The following AARS1 variants were observed in gnomAD, a reference collection of about 807,000 sequenced individuals.
AARS1 encodes alanyl-tRNA synthetase 1, also known as alanine--tRNA ligase, cytoplasmic.
A neutral mutation model predicts 108.9 loss-of-function variants in AARS1; 72 were observed. The observed-to-expected ratio is 0.66, with a 90% confidence interval of 0.55 to 0.80. The LOEUF (loss-of-function observed/expected upper bound fraction) is 0.80, where lower values mean the gene tolerates loss of function less well. AARS1 is among the 30% of genes least tolerant of loss of function. AARS1 has a pLI of 0.00. For synonymous variants in AARS1, 489 were observed against 465.7 expected, an observed-to-expected ratio of 1.05 and a Z score of -0.64; for missense variants, 1,193 against 1,233.2, an observed-to-expected ratio of 0.97 and a Z score of 0.49.
chr16:70,252,446 G>A lies in AARS1; in HGVS notation c.*275C>T, dbSNP rs186934638. On this transcript the variant is annotated 3_prime_UTR_variant, in exon 21 of 21. Transcript: ENST00000261772. ...AAAAACGATTCCTACTTGCTGACGC[G>A]GAAAGCTCAGGTCTGGAGAGCCGTT... 9 of 523,100 alleles carry A rather than the reference G, an allele frequency of 1.7e-5. No individual in the cohort carries two copies. The highest frequency in any genetic ancestry group is 1.5e-4 in the African/African-American group (8 of 52,546). 32.4% of individuals were successfully genotyped at this position (523,100 alleles called of 1,614,324 possible).
chr16:70,280,017 G>A (rs2152168838), intron 2 of AARS1, among the ~76,000 whole-genome samples: 1 of 152,020 alleles, frequency 6.6e-6, no homozygotes, highest in Non-Finnish European at 1.5e-5. Context: ...CCAAGAGGCT[G>A]GAACTACAGG....
Position 70,259,633 on chromosome 16 carries a change from C to T in AARS1, c.1786-447G>A, listed in dbSNP as rs1461849776. On this transcript the variant is annotated intron_variant, in intron 13 of 20. Coordinates refer to ENST00000261772, the MANE Select transcript of AARS1 (RefSeq NM_001605.3). ...AAGTAGCTGGGACTACAGGCACACA[C>T]CACTACCCCCAACTAATATTTTTTA... Among the ~76,000 whole-genome samples the T allele has an allele frequency of 4.6e-5, 7 of 152,042 alleles. No homozygotes were observed. The East Asian group carries it at 1.2e-3, about 25-fold the overall frequency.
chr16:70,283,793 G>A (rs954770658), intron 1 of AARS1, among the ~76,000 whole-genome samples: 4 of 152,118 alleles, frequency 2.6e-5, no homozygotes, highest in African/African-American at 7.2e-5. Flanking sequence ...AACAGCAAAC[G>A]GCTGCCTTCC....
At chr16:70,263,349 A>G (rs1439428270) in intron 11 of AARS1, among the ~76,000 whole-genome samples, 2 of 152,126 alleles carry the variant, frequency 1.3e-5, no homozygotes, top group Non-Finnish European at 2.9e-5. Flanking sequence ...AGACGGGTGG[A>G]TAACCTGAGC....
intron 2 of AARS1, among the ~76,000 whole-genome samples, chr16:70,280,472 T>A (rs748063168): frequency 3.3e-5 from 5 of 152,190 alleles, no homozygotes; most frequent in Non-Finnish European, 7.4e-5. Flanking sequence ...TGCCCCATGT[T>A]TCATAATTTT....
chr16:70,261,071 C>G lies in AARS1; in HGVS notation c.1758G>C (p.Gly586=), dbSNP rs769479883. 2 of 1,613,552 alleles carry G rather than the reference C, an allele frequency of 1.2e-6. No homozygotes were observed. The highest frequency in any genetic ancestry group is 1.7e-6 in the Non-Finnish European group (2 of 1,179,760). The change falls in exon 13 of 21, where the codon GGG becomes GGC. Residue 586 remains glycine, a synonymous_variant. Transcript: ENST00000261772. ...IGTIYGDLKV[G]DQVWLFIDEP... ...CATCAATAAACAGCCAGACCTGATC[C>G]CCCACTTTCAGGTCACCGTAGATGG...
chr16:70,284,804 C>A (rs1404635117), intron 1 of AARS1, among the ~76,000 whole-genome samples: 4 of 152,136 alleles, frequency 2.6e-5, no homozygotes, highest in Non-Finnish European at 5.9e-5. Flanking sequence ...ATTCCAGACC[C>A]AACCGTAACC....
At chr16:70,260,363 T>TC (rs1960103227) in intron 13 of AARS1, among the ~76,000 whole-genome samples, 1 of 152,132 alleles carries the variant, frequency 6.6e-6, no homozygotes. Flanking sequence ...AGCCTCCGTA[T>TC]CAGCTTGAGC....
At chr16:70,288,718 C>A (rs1960939546) in intron 1 of AARS1, among the ~76,000 whole-genome samples, 1 of 151,946 alleles carries the variant, frequency 6.6e-6, no homozygotes, top group Admixed American at 6.6e-5. Context: ...AGGCGCGCGC[C>A]GCCACGCTCG....
At chr16:70,281,610 GAGCCAAGATCGTGCC>G (rs1375584405) in intron 2 of AARS1, among the ~76,000 whole-genome samples, 1 of 152,204 alleles carries the variant, frequency 6.6e-6, no homozygotes, top group Non-Finnish European at 1.5e-5. Context: ...AGATTGCAGT[GAGCCAAGATCGTGCC>G]ACTGCACTCC....
intron 2 of AARS1, among the ~76,000 whole-genome samples, chr16:70,282,299 A>G (rs1407802553): frequency 7.1e-6 from 1 of 141,554 alleles, no homozygotes; most frequent in East Asian, 2.2e-4. Context: ...ACTGCACTCC[A>G]GCCTGGATGA....
chr16:70,285,487 C>T (rs974481163), intron 1 of AARS1, among the ~76,000 whole-genome samples: 1 of 151,846 alleles, frequency 6.6e-6, no homozygotes, highest in African/African-American at 2.4e-5. Context: ...CTCACTCTGT[C>T]GCCCAGGCTG....
chr16:70,259,245 G>A (rs867893652), intron 13 of AARS1, 59 bp from the exon 14 acceptor site: 112 of 1,522,116 alleles, frequency 7.4e-5, no homozygotes, highest in Middle Eastern at 2.2e-4. Context: ...TTATCTCCTC[G>A]TTATCTGCTC....
chr16:70,268,266 C>A lies in AARS1; in HGVS notation c.1071+5G>T, dbSNP rs1433326466. 1.2e-6 allele frequency: 2 copies of A among 1,613,658 alleles called. No homozygotes were observed. Among genetic ancestry groups the A allele is most frequent in the Non-Finnish European group, 1.7e-6 (2 of 1,179,544 alleles). On this transcript the variant is annotated splice_donor_5th_base_variant and intron_variant, in intron 8 of 20. Transcript: ENST00000261772. The stretch of plus-strand genomic sequence containing the variant: ...ACAGAAGGGTAAGCAGAGAAATAAA[C>A]CTACCAGGGACTGGACGACAACATC...
At chr16:70,267,552 T>C (rs926424460) in intron 9 of AARS1, 107 bp downstream of exon 9, 16 of 1,394,254 alleles carry the variant, frequency 1.1e-5, no homozygotes, top group Non-Finnish European at 1.4e-5. Flanking sequence ...TCAAGCTATG[T>C]TCAGCCTCAG....
At chr16:70,267,269 T>C (rs951851948) in intron 9 of AARS1, among the ~76,000 whole-genome samples, 9 of 152,180 alleles carry the variant, frequency 5.9e-5, no homozygotes, top group African/African-American at 2.2e-4. Flanking sequence ...TTTCCCCAAA[T>C]TGCAAAACAG....
chr16:70,281,593 G>C (rs968745427), intron 2 of AARS1, among the ~76,000 whole-genome samples: 2 of 152,206 alleles, frequency 1.3e-5, no homozygotes, highest in African/African-American at 2.4e-5. Context: ...TTGAACTCGG[G>C]AGGCAGAGAT....
intron 9 of AARS1, 73 bp downstream of exon 9, chr16:70,267,586 C>T: frequency 3.8e-6 from 6 of 1,580,332 alleles, no homozygotes; most frequent in Non-Finnish European, 5.2e-6. Context: ...CACAGTCAGT[C>T]TGTCAGAAAG....
At chr16:70,258,642 T>C (rs113435697) in intron 14 of AARS1, among the ~76,000 whole-genome samples, 2 of 152,084 alleles carry the variant, frequency 1.3e-5, no homozygotes, top group African/African-American at 4.8e-5. Context: ...CTCGGCTCAC[T>C]GCAAGCTCCA....
Sources: allele counts gnomAD v4.1 joint callset (sites outside exome capture counted in the v4.1 genomes callset), GRCh38; gene constraint gnomAD v4.1.1; transcripts MANE v1.5; gene names NCBI Gene and HGNC (gene_info 2026-07-23, HGNC 2026-07-21).